TPP2: variants seen among roughly 807,000 people sequenced by gnomAD.
TPP2 encodes the protein tripeptidyl-peptidase 2.
Under a neutral mutation model 155.9 loss-of-function variants are expected in TPP2, and 34 were observed. The observed-to-expected ratio is 0.22, with a 90% CI of 0.17 to 0.29. The LOEUF (loss-of-function observed/expected upper bound fraction) is 0.29. Ranked by LOEUF, TPP2 falls within the 10% of genes least tolerant of loss-of-function variation. The pLI is 1.00. For synonymous variants in TPP2, 510 were observed against 529.4 expected (o/e 0.96, Z 0.50); for missense variants, 1,028 against 1,522.3 (o/e 0.68, Z 5.40).
intron 27 of TPP2, among the ~76,000 whole-genome samples, chr13:102,670,938 A>G (rs1293187407): frequency 6.6e-6 from 1 of 152,248 alleles, no homozygotes; most frequent in Non-Finnish European, 1.5e-5. Context: ...TAGACTTACA[A>G]GTCCTGGCTC....
At chr13:102,607,409 C>T (rs1879922169) in intron 2 of TPP2, among the ~76,000 whole-genome samples, 1 of 152,144 alleles carries the variant, frequency 6.6e-6, no homozygotes, top group African/African-American at 2.4e-5. Context: ...TAGAAATGCT[C>T]AGCCTTCTGA....
intron 25 of TPP2, among the ~76,000 whole-genome samples, chr13:102,659,700 A>C (rs953668217): frequency 6.6e-6 from 1 of 152,220 alleles, no homozygotes; most frequent in African/African-American, 2.4e-5. Flanking sequence ...AAGAAGTACT[A>C]AAAGAAGTTA....
At chr13:102,637,687 A>G (rs1452902926) in intron 14 of TPP2, among the ~76,000 whole-genome samples, 1 of 152,102 alleles carries the variant, frequency 6.6e-6, no homozygotes, top group Non-Finnish European at 1.5e-5. Context: ...AGTAGCTAGG[A>G]CTAGTGGCGT....
At chr13:102,663,883 G>A (rs1291717953) in intron 26 of TPP2, 139 bp downstream of exon 26, 4 of 681,522 alleles carry the variant, frequency 5.9e-6, no homozygotes, top group Admixed American at 3.7e-5. Flanking sequence ...GTGTTAAGCT[G>A]TTTTCATGAA....
At chr13:102,660,201 A>T (rs1239648238) in intron 25 of TPP2, among the ~76,000 whole-genome samples, 1 of 152,068 alleles carries the variant, frequency 6.6e-6, no homozygotes, top group East Asian at 1.9e-4. Flanking sequence ...AAAAATAAAA[A>T]TGAACTTGAA....
chr13:102,671,885 T>A (rs763710613), intron 27 of TPP2, among the ~76,000 whole-genome samples: 1 of 152,172 alleles, frequency 6.6e-6, no homozygotes, highest in Non-Finnish European at 1.5e-5. Context: ...GAGCCTCCAC[T>A]AGCTTTAAGC....
Position 102,597,146 on chromosome 13 carries a change from G to T in TPP2, c.108G>T (p.Arg36=). Residue 36 remains arginine, a synonymous_variant, in exon 1 of 30, where the codon CGG becomes CGT. Transcript: ENST00000376052. The part of the protein sequence containing the change: ...FLCRYPEYDG[R]GVLIAVLDTG... ...GCCGCTACCCGGAGTATGATGGGCGGGGGGTGCTCATCGCAGTCCTGGACA... is the reference window on the plus strand; with the variant it reads ...GCCGCTACCCGGAGTATGATGGGCGTGGGGTGCTCATCGCAGTCCTGGACA... The T allele has an allele frequency of 1.2e-6, 2 of 1,608,990 alleles. No homozygotes were observed. Among genetic ancestry groups the T allele is most frequent in the African/African-American group, 2.7e-5 (2 of 74,680 alleles).
At chr13:102,601,403 G>C (rs1172707083) in intron 1 of TPP2, among the ~76,000 whole-genome samples, 2 of 152,082 alleles carry the variant, frequency 1.3e-5, no homozygotes, top group South Asian at 4.2e-4. Context: ...CTTTTGTTCT[G>C]GTCCTCTCTG....
intron 25 of TPP2, among the ~76,000 whole-genome samples, chr13:102,659,024 C>T (rs1884034876): frequency 6.6e-6 from 1 of 152,216 alleles, no homozygotes; most frequent in African/African-American, 2.4e-5. Flanking sequence ...CATTCTTCCA[C>T]TCCCTGTTCC....
chr13:102,633,118 A>G (rs907669080), intron 10 of TPP2, among the ~76,000 whole-genome samples: 1 of 152,234 alleles, frequency 6.6e-6, no homozygotes, highest in Non-Finnish European at 1.5e-5. Context: ...ATGGCCACTT[A>G]GCCAGGGAGG....
At chr13:102,663,152 AT>A (rs767978596) in intron 25 of TPP2, among the ~76,000 whole-genome samples, 519 of 40,510 alleles carry the variant, frequency 0.013, 3 homozygotes, top group Middle Eastern at 0.035. Context: ...TAATTAATTA[AT>A]TTATTTATTT....
chr13:102,642,489 CA>C (rs1460242020), intron 16 of TPP2, among the ~76,000 whole-genome samples: 1 of 151,914 alleles, frequency 6.6e-6, no homozygotes, highest in African/African-American at 2.4e-5. Context: ...GAGAATTTAA[CA>C]GTCTTAGTTT....
chr13:102,607,201 G>A (rs73578852), intron 2 of TPP2, among the ~76,000 whole-genome samples: 22,281 of 152,150 alleles, frequency 0.15, 1,955 homozygotes, highest in African/African-American at 0.25. Context: ...TCCAGTTTAC[G>A]GTGCGGGTTG....
chr13:102,634,469 C>T (rs763069848), intron 11 of TPP2, among the ~76,000 whole-genome samples: 3 of 152,062 alleles, frequency 2.0e-5, no homozygotes, highest in Non-Finnish European at 4.4e-5. Flanking sequence ...ATGCCGTGAG[C>T]AAAATGAGGT....
intron 16 of TPP2, among the ~76,000 whole-genome samples, chr13:102,641,714 A>C (rs1158123870): frequency 2.0e-5 from 3 of 152,202 alleles, no homozygotes; most frequent in African/African-American, 7.2e-5. Flanking sequence ...AATAATAGCA[A>C]AAGCTGAGAG....
At chr13:102,615,834 A>G (rs1880677418) in intron 3 of TPP2, among the ~76,000 whole-genome samples, 1 of 152,260 alleles carries the variant, frequency 6.6e-6, no homozygotes, top group Non-Finnish European at 1.5e-5. Flanking sequence ...AAATTGGGGA[A>G]TATGATACAT....
intron 25 of TPP2, among the ~76,000 whole-genome samples, chr13:102,662,707 G>A (rs1182717927): frequency 1.3e-5 from 2 of 151,944 alleles, no homozygotes; most frequent in African/African-American, 4.8e-5. Context: ...CAAAATCCCG[G>A]TCAACCTTAT....
chr13:102,604,677 C>G, intron 1 of TPP2, 116 bp from the exon 2 acceptor site: 1 of 1,250,412 alleles, frequency 8.0e-7, no homozygotes, highest in Non-Finnish European at 1.1e-6. Context: ...GTTCAGTTCT[C>G]TTTTTTAAGT....
At chr13:102,651,193 G>T (rs1279101061) in intron 23 of TPP2, among the ~76,000 whole-genome samples, 166 bp from the exon 24 acceptor site, 1 of 152,134 alleles carries the variant, frequency 6.6e-6, no homozygotes, top group African/African-American at 2.4e-5. Context: ...AATGAAAGTG[G>T]CAATGTTGCT....
Sources: allele counts gnomAD v4.1 joint callset (sites outside exome capture counted in the v4.1 genomes callset), GRCh38; gene constraint gnomAD v4.1.1; transcripts MANE v1.5; gene names NCBI Gene and HGNC (gene_info 2026-07-23, HGNC 2026-07-21).